Variants in PAX2 observed in about 807,000 individuals in gnomAD.
The protein encoded by PAX2 is paired box protein Pax-2.
Under a neutral mutation model 41.7 loss-of-function variants are expected in PAX2, and 9 were observed. That is an observed-to-expected ratio of 0.22 (90% CI 0.13 to 0.38). PAX2 has a LOEUF of 0.38. Among genes scored for constraint, PAX2 ranks in the 10% least tolerant of loss-of-function variants. The pLI is 1.00. For synonymous variants in PAX2, 221 were observed against 212.7 expected, an observed-to-expected ratio of 1.04 and a Z score of -0.34; for missense variants, 418 against 531.6, an observed-to-expected ratio of 0.79 and a Z score of 2.10.
intron 8 of PAX2, among the ~76,000 whole-genome samples, chr10:100,825,848 G>T (rs1011404608): frequency 6.7e-6 from 1 of 148,794 alleles, no homozygotes; most frequent in African/African-American, 2.4e-5. Flanking sequence ...AGATTTAGGG[G>T]AAGGAAAGTA....
At chr10:100,738,030 C>T (rs1252103504) in intron 1 of PAX2, among the ~76,000 whole-genome samples, 1 of 152,214 alleles carries the variant, frequency 6.6e-6, no homozygotes, top group Non-Finnish European at 1.5e-5. Flanking sequence ...AAAAATAAGC[C>T]GTTTATTCGA....
At chr10:100,806,681 A>C (rs1847794688) in intron 6 of PAX2, 76 bp downstream of exon 6, 1 of 1,234,758 alleles carries the variant, frequency 8.1e-7, no homozygotes, top group Non-Finnish European at 1.2e-6. Context: ...TTGTTCACTA[A>C]ACACCACATG....
At position 100,748,411 on chromosome 10, in the gene PAX2, G is replaced by A; in HGVS notation, c.44-1335G>A. The A allele has an allele frequency of 1.0e-6, 1 of 984,858 alleles. No homozygotes were observed. Among genetic ancestry groups the A allele is most frequent in the Non-Finnish European group, 1.2e-6 (1 of 829,796 alleles). The allele number at this position is 984,858 out of a possible 1,614,324, so 61.0% of individuals were successfully genotyped here. ...AGGTCTTTCCCCAGGGTTTCACCGA[G>A]CTTGCTCTAGGTACCCCCCGAGAAA... On this transcript the variant is annotated intron_variant, in intron 1 of 9. Transcript: ENST00000355243. This position sits in a 1 kb window ranked among gnomAD's most constrained non-coding sequence, Gnocchi z 5.0.
At chr10:100,735,730 G>T in exon 1 of PAX2, 1 of 1,045,766 alleles carries the variant, frequency 9.6e-7, no homozygotes, top group Non-Finnish European at 1.2e-6. Context: ...CGCGGGTCCG[G>T]CAGGTAAGAG....
At position 100,750,713 on chromosome 10, in the gene PAX2, A is replaced by G; in HGVS notation, c.232A>G (p.Ile78Val). The stretch of plus-strand genomic sequence containing the variant: ...GCGCAGGTACTACGAGACCGGCAGC[A>G]TCAAGCCGGGTGTGATCGGTGGCTC... ...ILGRYYETGS[I>V]KPGVIGGSKP... The change falls in exon 3 of 10, where the codon ATC becomes GTC. Residue 78 changes from isoleucine (I) to valine (V), a missense_variant. Ile to Val is a conservative substitution (Grantham distance 29). Around this residue, in one of 2 missense-constraint regions of PAX2, gnomAD observed 108 missense variants for 206.3 expected, o/e 0.52. Coordinates refer to ENST00000355243, the MANE Select transcript of PAX2 (RefSeq NM_000278.5). This position sits in a 1 kb window ranked among gnomAD's most constrained non-coding sequence, Gnocchi z 4.1. 6.2e-7 allele frequency: 1 copy of G among 1,614,192 alleles called. No individual in the cohort carries two copies. Among genetic ancestry groups the G allele is most frequent in the Non-Finnish European group, 8.5e-7 (1 of 1,180,044 alleles).
At position 100,745,764 on chromosome 10, in the gene PAX2, G is replaced by A. The variant is rs954757392; in HGVS notation, c.-497G>A. The A allele has an allele frequency of 1.2e-5, 12 of 1,025,376 alleles. No individual in the cohort carries two copies. The African/African-American group carries it at 1.5e-4, about 13-fold the overall frequency. The allele number at this position is 1,025,376 out of a possible 1,614,324, so 63.5% of individuals were successfully genotyped here. ...CGCAGGCGCCACCTCGGACATCCCC[G>A]GGATTGCTACTTCTCTGCCAACTTC... On this transcript the variant is annotated 5_prime_UTR_variant, in exon 1 of 10. Coordinates refer to ENST00000355243, the MANE Select transcript of PAX2 (RefSeq NM_000278.5).
At chr10:100,772,696 A>G (rs930376628) in intron 3 of PAX2, among the ~76,000 whole-genome samples, 7 of 152,226 alleles carry the variant, frequency 4.6e-5, no homozygotes, top group African/African-American at 1.7e-4. Context: ...GACAATTTAA[A>G]CTGATTTATA....
At chr10:100,736,380 A>G (rs1844776975) in intron 1 of PAX2, among the ~76,000 whole-genome samples, 1 of 152,128 alleles carries the variant, frequency 6.6e-6, no homozygotes, top group African/African-American at 2.4e-5. Context: ...CTTGTCCCCC[A>G]GGCTGCCAAC....
chr10:100,769,634 TA>T lies in PAX2; in HGVS notation c.411-9860del, dbSNP rs1564717034. Among the ~76,000 whole-genome samples, 110 of 134,416 alleles carry T rather than the reference TA, an allele frequency of 8.2e-4. 2 individuals are homozygous for T. Among genetic ancestry groups the T allele is most frequent in the African/African-American group, 2.9e-3 (105 of 36,032 alleles). 88.2% of individuals were successfully genotyped at this position (134,416 alleles called of 152,430 possible). A position where few individuals can be genotyped will look rare whatever the true frequency, so the allele number is the denominator to read the frequency against. On this transcript the variant is annotated intron_variant, in intron 3 of 9. Coordinates refer to ENST00000355243, the MANE Select transcript of PAX2 (RefSeq NM_000278.5). The stretch of plus-strand genomic sequence containing the variant: ...AGACTCCATCTCAAAAAGAATAAAA[TA>T]AAATAAAATAAAATAAAATAAAATA...
At position 100,748,539 on chromosome 10, in the gene PAX2, C is replaced by T. The variant is rs1845299227; in HGVS notation, c.44-1207C>T. The T allele has an allele frequency of 1.0e-6, 1 of 985,262 alleles. No individual in the cohort carries two copies. Among genetic ancestry groups the T allele is most frequent in the African/African-American group, 1.7e-5 (1 of 57,228 alleles). The allele number at this position is 985,262 out of a possible 1,614,324, so 61.0% of individuals were successfully genotyped here. ...TGCAGCTTGCCAGTCCGGGCCGACC[C>T]GACTCGGCCGCTAGAAGTCTCTGCG... is the stretch of plus-strand genomic sequence containing the variant. On this transcript the variant is annotated intron_variant, in intron 1 of 9. Transcript: ENST00000355243. This position sits in a 1 kb window ranked among gnomAD's most constrained non-coding sequence, Gnocchi z 5.0.
Position 100,746,102 on chromosome 10 carries a change from C to T in PAX2, c.-159C>T. 6.5e-7 allele frequency: 1 copy of T among 1,548,398 alleles called. No homozygotes were observed. Among genetic ancestry groups the T allele is most frequent in the Non-Finnish European group, 8.7e-7 (1 of 1,152,220 alleles). ...CCCGGAGGAGCCCCAGCGGGGAGCG[C>T]AGTGCTGCGCCCCCCGCCCCCGCGC... On this transcript the variant is annotated 5_prime_UTR_variant, in exon 1 of 10. Coordinates refer to ENST00000355243, the MANE Select transcript of PAX2 (RefSeq NM_000278.5).
At chr10:100,794,358 TCA>T (rs1429129248) in intron 5 of PAX2, among the ~76,000 whole-genome samples, 1 of 152,224 alleles carries the variant, frequency 6.6e-6, no homozygotes, top group African/African-American at 2.4e-5. Context: ...TCTCTGAATC[TCA>T]GTTTCCTCAT....
chr10:100,747,782 G>A (rs2133827529), intron 1 of PAX2: 2 of 985,140 alleles, frequency 2.0e-6, no homozygotes, highest in Non-Finnish European at 2.4e-6. Context: ...GAGCGGGCCG[G>A]AAAGCCTCGG....
In PAX2 at chr10:100,766,295, A is replaced by T. The variant is rs150001757; in HGVS notation, c.411-13203A>T. On this transcript the variant is annotated intron_variant, in intron 3 of 9. Transcript: ENST00000355243. ...AAACAGGAAACCTGCACCCTAGCAGATGGTCACACCTCTGTGTATCTCTGT... is the reference window on the plus strand; with the variant it reads ...AAACAGGAAACCTGCACCCTAGCAGTTGGTCACACCTCTGTGTATCTCTGT... 3.9e-3 allele frequency among the ~76,000 whole-genome samples: 600 copies of T among 152,366 alleles called. 3 individuals are homozygous for T. Among genetic ancestry groups the T allele is most frequent in the Middle Eastern group, 0.014 (4 of 294 alleles).
rs530809883 is a variant in PAX2, at chr10:100,800,925, A to G, written c.617-5505A>G. 2.6e-5 allele frequency among the ~76,000 whole-genome samples: 4 copies of G among 152,378 alleles called. No homozygotes were observed. The South Asian group carries it at 8.3e-4, about 32-fold the overall frequency. On this transcript the variant is annotated intron_variant, in intron 5 of 9. Transcript: ENST00000355243. ...ATTGCACAAAGCCTGGATGGTATGG[A>G]AAAACTTAGATGAAAAGAAAATAAA...
chr10:100,819,393 A>T lies in PAX2; in HGVS notation c.920-5255A>T, dbSNP rs1304925772. ...AGACCAGCCTGGCCAACATAGTGAA[A>T]CCCCGTCTCTACTAAAAAATATAAA... On this transcript the variant is annotated intron_variant, in intron 7 of 9. Transcript: ENST00000355243. 2.6e-4 allele frequency among the ~76,000 whole-genome samples: 40 copies of T among 151,818 alleles called. 1 individual carries two copies. Among genetic ancestry groups the T allele is most frequent in the Non-Finnish European group, 2.9e-5 (2 of 67,988 alleles).
At chr10:100,804,068 C>T (rs1270873518) in intron 5 of PAX2, among the ~76,000 whole-genome samples, 4 of 152,212 alleles carry the variant, frequency 2.6e-5, no homozygotes, top group African/African-American at 7.2e-5. Flanking sequence ...AAGTTCATTT[C>T]GCCGGCCTCT....
At chr10:100,808,636 G>T (rs527538766) in intron 6 of PAX2, among the ~76,000 whole-genome samples, 1 of 152,092 alleles carries the variant, frequency 6.6e-6, no homozygotes, top group Non-Finnish European at 1.5e-5. Context: ...GGGGCCCATG[G>T]GGCTGTCATT....
At chr10:100,784,610 A>G (rs534810491) in intron 5 of PAX2, among the ~76,000 whole-genome samples, 1 of 152,368 alleles carries the variant, frequency 6.6e-6, no homozygotes, top group Non-Finnish European at 1.5e-5. Context: ...GGTGATGGGC[A>G]TTAGTGAGGA....
Sources: gnomAD v4.1 joint callset for allele counts (sites outside exome capture counted in the v4.1 genomes callset) on GRCh38, gnomAD v4.1.1 for gene constraint, gnomAD v4.1.1 regional missense constraint, Gnocchi (gnomAD v3.1) non-coding constraint, MANE v1.5 for transcripts, NCBI Gene and HGNC (gene_info 2026-07-23, HGNC 2026-07-21) for gene names.